Variants in FREM2 observed in about 807,000 individuals in gnomAD.
FREM2 encodes the protein FRAS1-related extracellular matrix protein 2.
FREM2 carries 119 observed loss-of-function variants against 219.9 expected under a neutral mutation model. The ratio of observed to expected loss-of-function variants is 0.54; its 90% CI spans 0.47 to 0.63. The LOEUF (loss-of-function observed/expected upper bound fraction) is 0.63. Ranked by LOEUF, FREM2 falls within the 30% of genes least tolerant of loss-of-function variation. The pLI, the probability that FREM2 is intolerant of heterozygous loss-of-function variation, is 0.00. For synonymous variants in FREM2, 1,562 were observed against 1,522.8 expected (o/e 1.03, Z -0.60); for missense variants, 4,030 against 3,993.6 (o/e 1.01, Z -0.25).
intron 6 of FREM2, among the ~76,000 whole-genome samples, chr13:38,787,037 A>G (rs1874359100): frequency 6.6e-6 from 1 of 152,186 alleles, no homozygotes; most frequent in Admixed American, 6.5e-5. Context: ...AGAACATTTT[A>G]CTATTGTCAG....
chr13:38,772,413 G>C (rs1176212651), intron 4 of FREM2, among the ~76,000 whole-genome samples: 1 of 152,114 alleles, frequency 6.6e-6, no homozygotes, highest in Non-Finnish European at 1.5e-5. Flanking sequence ...ATTTTAGGCT[G>C]GGAACTGGTT....
At chr13:38,769,043 T>G (rs1316455979) in intron 3 of FREM2, among the ~76,000 whole-genome samples, 1 of 152,242 alleles carries the variant, frequency 6.6e-6, no homozygotes, top group African/African-American at 2.4e-5. Context: ...TTACATTTTT[T>G]AAAGGATCTT....
At chr13:38,780,323 G>T (rs1874068439) in intron 4 of FREM2, among the ~76,000 whole-genome samples, 1 of 152,078 alleles carries the variant, frequency 6.6e-6, no homozygotes, top group Admixed American at 6.5e-5. Flanking sequence ...TTATTCTTCT[G>T]TTTCTTGCGC....
intron 6 of FREM2, among the ~76,000 whole-genome samples, chr13:38,812,600 G>T (rs1875535573): frequency 6.6e-6 from 1 of 151,982 alleles, no homozygotes. Flanking sequence ...TACACTTTTG[G>T]CTGGGCATGG....
At position 38,790,208 on chromosome 13, in the gene FREM2, G is replaced by GT. The variant is rs745477288; in HGVS notation, c.6019+5405dup. ...AACAACAAGCTCCATAAGAGGATGG[G>GT]TTTTTATTCTAACTCACACATCTCC... On this transcript the variant is annotated intron_variant, in intron 6 of 23. Transcript: ENST00000280481. Among the ~76,000 whole-genome samples, 8 of 152,218 alleles carry GT rather than the reference G, an allele frequency of 5.3e-5. No individual in the cohort carries two copies. In the South Asian group the frequency reaches 6.2e-4, roughly 12 times the overall value.
In FREM2 at chr13:38,736,863, G is replaced by A. The variant is rs570714225; in HGVS notation, c.5264-27441G>A. On this transcript the variant is annotated intron_variant, in intron 2 of 23. Coordinates refer to ENST00000280481, the MANE Select transcript of FREM2 (RefSeq NM_207361.6). ...CAGATACATAACTCAAATGCAAACC[G>A]TTTGTTTTTTTTTTCTGCTTTCTTT... 1.4e-4 allele frequency among the ~76,000 whole-genome samples: 9 copies of A among 65,762 alleles called. No individual in the cohort carries two copies. In the East Asian group the frequency reaches 2.6e-3, roughly 19 times the overall value. 43.1% of individuals were successfully genotyped at this position (65,762 alleles called of 152,430 possible).
intron 2 of FREM2, among the ~76,000 whole-genome samples, chr13:38,705,086 C>T (rs1870487036): frequency 6.6e-6 from 1 of 152,070 alleles, no homozygotes; most frequent in Non-Finnish European, 1.5e-5. Context: ...GCATTGTGTT[C>T]CAATTTGTGT....
intron 6 of FREM2, 142 bp from the exon 7 acceptor site, chr13:38,846,431 T>C: frequency 1.3e-6 from 1 of 759,872 alleles, no homozygotes; most frequent in East Asian, 2.7e-5. Flanking sequence ...ATTAAAGAGA[T>C]GTTATCTCAC....
At chr13:38,740,287 T>A (rs1872188973) in intron 2 of FREM2, among the ~76,000 whole-genome samples, 1 of 152,194 alleles carries the variant, frequency 6.6e-6, no homozygotes. Context: ...TATTTTCATG[T>A]TCGAGAGATA....
intron 16 of FREM2, among the ~76,000 whole-genome samples, chr13:38,865,370 G>T (rs1877927768): frequency 6.6e-6 from 1 of 152,106 alleles, no homozygotes; most frequent in Non-Finnish European, 1.5e-5. Context: ...AATATGTAGG[G>T]CATGATTTAA....
intron 16 of FREM2, among the ~76,000 whole-genome samples, chr13:38,867,613 C>T (rs1183247030): frequency 1.3e-5 from 2 of 152,078 alleles, no homozygotes; most frequent in African/African-American, 2.4e-5. Context: ...CATGGCAGGC[C>T]ATCTGCAAGA....
chr13:38,741,537 G>C (rs1430657977), intron 2 of FREM2, among the ~76,000 whole-genome samples: 1 of 152,168 alleles, frequency 6.6e-6, no homozygotes, highest in Non-Finnish European at 1.5e-5. Flanking sequence ...GGTGCAGACT[G>C]CTGTTGACTC....
chr13:38,866,273 T>G (rs1389267790), intron 16 of FREM2, among the ~76,000 whole-genome samples: 1 of 152,054 alleles, frequency 6.6e-6, no homozygotes, highest in Non-Finnish European at 1.5e-5. Flanking sequence ...GGCGGGCAGA[T>G]CACCTGAGGT....
intron 2 of FREM2, among the ~76,000 whole-genome samples, chr13:38,753,542 G>A (rs1593385837): frequency 6.6e-6 from 1 of 152,306 alleles, no homozygotes; most frequent in African/African-American, 2.4e-5. Flanking sequence ...TCTTGAGTTA[G>A]TTTGTGTTCT....
chr13:38,746,536 G>A (rs1461394894), intron 2 of FREM2, among the ~76,000 whole-genome samples: 1 of 152,038 alleles, frequency 6.6e-6, no homozygotes, highest in Non-Finnish European at 1.5e-5. Context: ...TAAGAGGAAT[G>A]GTCTAAAGTA....
Position 38,745,961 on chromosome 13 carries a change from T to C in FREM2, c.5264-18343T>C, listed in dbSNP as rs1289476145. 3.9e-5 allele frequency among the ~76,000 whole-genome samples: 6 copies of C among 152,216 alleles called. No homozygotes were observed. In the East Asian group the frequency reaches 1.2e-3, roughly 29 times the overall value. On this transcript the variant is annotated intron_variant, in intron 2 of 23. Transcript: ENST00000280481. ...TCACATTCCAGTATCGTACCCTTTC[T>C]AGTTCATGTAATTTCTCTATTTGAG...
intron 6 of FREM2, among the ~76,000 whole-genome samples, chr13:38,816,631 G>GA (rs1031826813): frequency 2.0e-5 from 3 of 151,686 alleles, no homozygotes; most frequent in Non-Finnish European, 4.4e-5. Flanking sequence ...ACAGAGTGAG[G>GA]AAAAATTGTA....
chr13:38,694,517 G>GGAGAAA (rs1870025575), intron 1 of FREM2, among the ~76,000 whole-genome samples: 1 of 152,190 alleles, frequency 6.6e-6, no homozygotes, highest in African/African-American at 2.4e-5. Context: ...AATGAAAGCA[G>GGAGAAA]TGCTTAAGAG....
chr13:38,703,776 T>G (rs1175106936), intron 2 of FREM2, among the ~76,000 whole-genome samples: 1 of 152,196 alleles, frequency 6.6e-6, no homozygotes, highest in African/African-American at 2.4e-5. Context: ...TGGCTTTAGT[T>G]CCGAGAACAT....
Sources: gnomAD v4.1 joint callset for allele counts (sites outside exome capture counted in the v4.1 genomes callset) on GRCh38, gnomAD v4.1.1 for gene constraint, MANE v1.5 for transcripts, NCBI Gene and HGNC (gene_info 2026-07-23, HGNC 2026-07-21) for gene names.